The following ARHGAP15 variants were observed in gnomAD, a reference collection of about 807,000 sequenced individuals.
ARHGAP15 encodes the protein Rho GTPase activating protein 15.
ARHGAP15 carries 51 observed loss-of-function variants against 63.7 expected under a neutral mutation model. The observed-to-expected ratio is 0.80, with a 90% CI of 0.64 to 1.01. The LOEUF is 1.01. Ranked by LOEUF, ARHGAP15 falls within the 50% of genes least tolerant of loss-of-function variation. The probability of loss-of-function intolerance (pLI) is 0.00; values close to 1 mark genes in which losing one functional copy is unlikely to be tolerated. For synonymous variants in ARHGAP15, 191 were observed against 193.8 expected (o/e 0.99, Z 0.12); for missense variants, 560 against 564.6 (o/e 0.99, Z 0.08).
chr2:143,244,828 G>C (rs1002989660), intron 5 of ARHGAP15, among the ~76,000 whole-genome samples: 1 of 152,160 alleles, frequency 6.6e-6, no homozygotes, highest in African/African-American at 2.4e-5. Flanking sequence ...TCTTGTGAGA[G>C]AAAATAAGAA....
At chr2:143,255,155 G>T (rs369856465) in intron 6 of ARHGAP15, among the ~76,000 whole-genome samples, 3 of 151,958 alleles carry the variant, frequency 2.0e-5, no homozygotes, top group Non-Finnish European at 2.9e-5. Context: ...CTTTCAGTAG[G>T]ATATTTCTGC....
intron 9 of ARHGAP15, among the ~76,000 whole-genome samples, chr2:143,498,696 G>A (rs1044741774): frequency 3.3e-5 from 5 of 152,002 alleles, no homozygotes; most frequent in African/African-American, 9.7e-5. Flanking sequence ...ATTTGGAAAC[G>A]ATTTGATTGA....
intron 8 of ARHGAP15, among the ~76,000 whole-genome samples, chr2:143,441,214 G>A (rs554573443): frequency 6.6e-6 from 1 of 152,190 alleles, no homozygotes. Flanking sequence ...CCTACTCCCT[G>A]AGTGTATGAA....
intron 10 of ARHGAP15, among the ~76,000 whole-genome samples, chr2:143,551,450 T>C (rs1169698573): frequency 6.6e-6 from 1 of 152,198 alleles, no homozygotes; most frequent in Non-Finnish European, 1.5e-5. Flanking sequence ...CCACTGAACC[T>C]GGCCTAAAAT....
At chr2:143,231,851 C>T (rs1005084289) in intron 5 of ARHGAP15, among the ~76,000 whole-genome samples, 1 of 152,178 alleles carries the variant, frequency 6.6e-6, no homozygotes, top group Admixed American at 6.5e-5. Flanking sequence ...TGTATCCTCA[C>T]ATGGCAGAGG....
chr2:143,499,528 A>G (rs1053451753), intron 9 of ARHGAP15, among the ~76,000 whole-genome samples: 2 of 152,182 alleles, frequency 1.3e-5, no homozygotes, highest in African/African-American at 4.8e-5. Context: ...CTTGAGTTAA[A>G]TTTTAAAAGT....
At chr2:143,755,367 T>A (rs1012473921) in intron 13 of ARHGAP15, among the ~76,000 whole-genome samples, 2 of 152,186 alleles carry the variant, frequency 1.3e-5, no homozygotes, top group African/African-American at 2.4e-5. Flanking sequence ...CTGCATTTTC[T>A]AAATTTTCTG....
At chr2:143,299,676 T>C (rs1432417317) in intron 6 of ARHGAP15, among the ~76,000 whole-genome samples, 2 of 151,988 alleles carry the variant, frequency 1.3e-5, no homozygotes, top group African/African-American at 4.8e-5. Flanking sequence ...AAAACTACTT[T>C]CTTAAAATTG....
At chr2:143,518,409 T>A (rs932404508) in intron 9 of ARHGAP15, among the ~76,000 whole-genome samples, 1 of 152,204 alleles carries the variant, frequency 6.6e-6, no homozygotes, top group Non-Finnish European at 1.5e-5. Flanking sequence ...CTCGGAAACA[T>A]TAGTCTGGAG....
At chr2:143,680,870 A>G (rs1683068720) in intron 12 of ARHGAP15, among the ~76,000 whole-genome samples, 1 of 152,222 alleles carries the variant, frequency 6.6e-6, no homozygotes, top group Non-Finnish European at 1.5e-5. Flanking sequence ...TCACTCAAGA[A>G]CTGTGATCCT....
chr2:143,179,697 T>G (rs1691151782), intron 2 of ARHGAP15, among the ~76,000 whole-genome samples: 1 of 152,108 alleles, frequency 6.6e-6, no homozygotes, highest in Non-Finnish European at 1.5e-5. Flanking sequence ...AGACCAACCT[T>G]GCCCATGCAG....
chr2:143,269,422 G>T (rs6751190), intron 6 of ARHGAP15, among the ~76,000 whole-genome samples: 68,519 of 151,968 alleles, frequency 0.45, 17,706 homozygotes, highest in African/African-American at 0.71. Context: ...ATAGTGATTT[G>T]ATTGTATTTT....
intron 10 of ARHGAP15, among the ~76,000 whole-genome samples, chr2:143,532,070 C>T (rs1694544916): frequency 6.6e-6 from 1 of 152,156 alleles, no homozygotes; most frequent in African/African-American, 2.4e-5. Flanking sequence ...CCATACAGGA[C>T]AAGGTCACCA....
chr2:143,303,034 T>TAA (rs1682980758), intron 6 of ARHGAP15, among the ~76,000 whole-genome samples: 1 of 152,010 alleles, frequency 6.6e-6, no homozygotes, highest in Admixed American at 6.6e-5. Flanking sequence ...AAGACTTAAA[T>TAA]GTAAGACCTA....
rs1326148634 is a variant in ARHGAP15 at position 143,158,230 on chromosome 2, T to A, written c.165+2575T>A. 4.6e-5 allele frequency among the ~76,000 whole-genome samples: 7 copies of A among 151,924 alleles called. No homozygotes were observed. The East Asian group carries it at 1.4e-3, about 30-fold the overall frequency. ...AATTCATAAATTCCTCTCGTAAATTTTGTTCAATTAAAATGTTTTTAATAT... is the reference window on the plus strand; with the variant it reads ...AATTCATAAATTCCTCTCGTAAATTATGTTCAATTAAAATGTTTTTAATAT... On this transcript the variant is annotated intron_variant, in intron 2 of 13. Transcript: ENST00000295095.
At chr2:143,724,718 T>C (rs995985480) in intron 13 of ARHGAP15, among the ~76,000 whole-genome samples, 4 of 152,196 alleles carry the variant, frequency 2.6e-5, no homozygotes, top group African/African-American at 9.7e-5. Context: ...ACCAAGCATG[T>C]TCAGAGCCCC....
intron 10 of ARHGAP15, among the ~76,000 whole-genome samples, chr2:143,520,162 G>T (rs986134855): frequency 3.3e-5 from 5 of 152,138 alleles, no homozygotes; most frequent in Non-Finnish European, 1.5e-5. Context: ...TCATGTAAAA[G>T]ATAGAGGTGT....
rs551404703 is a variant in ARHGAP15 at position 143,628,510 on chromosome 2, C to T, written c.1138+4243C>T. 6.6e-5 allele frequency among the ~76,000 whole-genome samples: 10 copies of T among 152,272 alleles called. No homozygotes were observed. The East Asian group carries it at 1.7e-3, about 27-fold the overall frequency. On this transcript the variant is annotated intron_variant, in intron 12 of 13. Coordinates refer to ENST00000295095, the MANE Select transcript of ARHGAP15 (RefSeq NM_018460.4). The stretch of plus-strand genomic sequence containing the variant: ...AGGCCAGCAGTTTATGAGTTTATCC[C>T]CAACCCGTTCACCCTTGCCACCCAT...
intron 2 of ARHGAP15, among the ~76,000 whole-genome samples, chr2:143,157,854 G>A (rs181756437): frequency 1.1e-4 from 16 of 151,984 alleles, no homozygotes; most frequent in African/African-American, 3.6e-4. Flanking sequence ...GTTGGGTGGT[G>A]GGGTGAGGTC....
Sources: gnomAD v4.1 joint callset for allele counts (sites outside exome capture counted in the v4.1 genomes callset) on GRCh38, gnomAD v4.1.1 for gene constraint, MANE v1.5 for transcripts, NCBI Gene and HGNC (gene_info 2026-07-23, HGNC 2026-07-21) for gene names.